The following BMP5 variants were observed in gnomAD, a reference collection of about 807,000 sequenced individuals.
BMP5 encodes bone morphogenetic protein 5.
Under a neutral mutation model 46.6 loss-of-function variants are expected in BMP5, and 23 were observed. The ratio of observed to expected loss-of-function variants is 0.49; its 90% CI spans 0.35 to 0.70. The LOEUF (loss-of-function observed/expected upper bound fraction) is 0.70. Among genes scored for constraint, BMP5 ranks in the 30% least tolerant of loss-of-function variants. BMP5 has a pLI of 0.00. For missense variants in BMP5, 545 were observed against 565.6 expected (o/e 0.96, Z 0.37); for synonymous variants, 204 against 191.9 (o/e 1.06, Z -0.52).
At chr6:55,777,429 G>A (rs1343107821) in intron 3 of BMP5, among the ~76,000 whole-genome samples, 1 of 151,864 alleles carries the variant, frequency 6.6e-6, no homozygotes, top group East Asian at 1.9e-4. Flanking sequence ...GTATCAACAT[G>A]GATTTAATTT....
chr6:55,787,995 CTT>C (rs1292778759), intron 3 of BMP5, among the ~76,000 whole-genome samples: 1 of 151,568 alleles, frequency 6.6e-6, no homozygotes, highest in Admixed American at 6.6e-5. Context: ...GGACCCTACT[CTT>C]TATCAAAGAC....
intron 1 of BMP5, among the ~76,000 whole-genome samples, chr6:55,859,208 T>C (rs1777474331): frequency 6.6e-6 from 1 of 152,176 alleles, no homozygotes; most frequent in Non-Finnish European, 1.5e-5. Context: ...TTAGTTTCAA[T>C]TATCAGTGTT....
intron 3 of BMP5, among the ~76,000 whole-genome samples, chr6:55,780,457 A>AAAAG (rs70986751): frequency 4.4e-5 from 1 of 22,582 alleles, no homozygotes; most frequent in African/African-American, 1.6e-4. Flanking sequence ...CATCACTACT[A>AAAAG]AAAAAAAAAA....
At chr6:55,811,645 CTCTCTG>C (rs896884734) in intron 2 of BMP5, among the ~76,000 whole-genome samples, 2 of 151,900 alleles carry the variant, frequency 1.3e-5, no homozygotes, top group African/African-American at 4.8e-5. Context: ...TGCCCTCTCT[CTCTCTG>C]TCTCTCTCTC....
rs1776910163 is a variant in BMP5, at chr6:55,839,949, G to A, written c.491-20102C>T. Among the ~76,000 whole-genome samples, 3 of 152,046 alleles carry A rather than the reference G, an allele frequency of 2.0e-5. No homozygotes were observed. In the South Asian group the frequency reaches 6.2e-4, roughly 32 times the overall value. Reference sequence around the variant, plus strand: ...AAATCAATATATACTTTAGACACGTGCTTGGTTCTGTATGTATATTGATAA... The same window carrying A: ...AAATCAATATATACTTTAGACACGTACTTGGTTCTGTATGTATATTGATAA... On this transcript the variant is annotated intron_variant, in intron 1 of 6. Transcript: ENST00000370830.
chr6:55,826,494 T>TA (rs1207338062), intron 1 of BMP5, among the ~76,000 whole-genome samples: 1 of 151,616 alleles, frequency 6.6e-6, no homozygotes, highest in Non-Finnish European at 1.5e-5. Flanking sequence ...TAGTTTACTT[T>TA]AAAAATATAA....
intron 3 of BMP5, among the ~76,000 whole-genome samples, chr6:55,782,287 A>T: frequency 6.6e-6 from 1 of 152,160 alleles, no homozygotes. Context: ...AAGTAAATTT[A>T]AAAATGTGGA....
chr6:55,852,797 C>T (rs1777277520), intron 1 of BMP5, among the ~76,000 whole-genome samples: 1 of 151,976 alleles, frequency 6.6e-6, no homozygotes, highest in Non-Finnish European at 1.5e-5. Flanking sequence ...GTTTATTTTG[C>T]CTTAATTTGG....
chr6:55,847,111 C>T (rs973022352), intron 1 of BMP5, among the ~76,000 whole-genome samples: 4 of 151,858 alleles, frequency 2.6e-5, no homozygotes, highest in African/African-American at 9.7e-5. Context: ...CCTATTTTAT[C>T]GATGTAAAAT....
At chr6:55,793,594 GT>G (rs1453430808) in intron 3 of BMP5, among the ~76,000 whole-genome samples, 1 of 152,130 alleles carries the variant, frequency 6.6e-6, no homozygotes, top group Non-Finnish European at 1.5e-5. Flanking sequence ...CATATAGTAG[GT>G]GCCCAGTAAA....
At chr6:55,863,519 G>A (rs962250965) in intron 1 of BMP5, among the ~76,000 whole-genome samples, 3 of 151,990 alleles carry the variant, frequency 2.0e-5, no homozygotes, top group Non-Finnish European at 1.5e-5. Context: ...TTGAAATAAC[G>A]CATAAAAATC....
At chr6:55,849,067 A>G (rs1777160570) in intron 1 of BMP5, among the ~76,000 whole-genome samples, 2 of 152,056 alleles carry the variant, frequency 1.3e-5, no homozygotes, top group Non-Finnish European at 2.9e-5. Flanking sequence ...TTTGAAGATA[A>G]CAATTAGCCT....
chr6:55,755,964 T>G (rs1774583586), intron 6 of BMP5, among the ~76,000 whole-genome samples: 1 of 151,960 alleles, frequency 6.6e-6, no homozygotes, highest in African/African-American at 2.4e-5. Flanking sequence ...GAAGTTTTCC[T>G]AGGGAAAGAA....
chr6:55,836,834 T>C (rs1776806922), intron 1 of BMP5, among the ~76,000 whole-genome samples: 1 of 152,110 alleles, frequency 6.6e-6, no homozygotes, highest in South Asian at 2.1e-4. Context: ...CTTGAATCTA[T>C]CTCAAATGTT....
chr6:55,786,417 T>C (rs955797049), intron 3 of BMP5, among the ~76,000 whole-genome samples: 1 of 151,748 alleles, frequency 6.6e-6, no homozygotes, highest in African/African-American at 2.4e-5. Context: ...TCAAGTCACA[T>C]AGAGCTTATT....
chr6:55,814,906 G>C (rs1004378843), intron 2 of BMP5, among the ~76,000 whole-genome samples: 36 of 152,264 alleles, frequency 2.4e-4, no homozygotes, highest in Non-Finnish European at 2.6e-4. Flanking sequence ...GAGGCGGGTG[G>C]ATCACCTGAG....
chr6:55,855,966 A>C (rs1777385585), intron 1 of BMP5, among the ~76,000 whole-genome samples: 1 of 152,182 alleles, frequency 6.6e-6, no homozygotes, highest in Non-Finnish European at 1.5e-5. Flanking sequence ...GCTTTTGACA[A>C]ATGCAGAATC....
chr6:55,833,341 A>G (rs1326950776), intron 1 of BMP5, among the ~76,000 whole-genome samples: 2 of 152,216 alleles, frequency 1.3e-5, no homozygotes, highest in Non-Finnish European at 2.9e-5. Context: ...ATGTGTGTTC[A>G]CAGCCTCAAA....
intron 2 of BMP5, among the ~76,000 whole-genome samples, chr6:55,807,808 A>T (rs559779535): frequency 2.5e-4 from 38 of 152,142 alleles, no homozygotes; most frequent in Admixed American, 6.5e-4. Flanking sequence ...GTGTCTAGGA[A>T]TTTATCCATT....
Sources: gnomAD v4.1 joint callset for allele counts (sites outside exome capture counted in the v4.1 genomes callset) on GRCh38, gnomAD v4.1.1 for gene constraint, MANE v1.5 for transcripts, NCBI Gene and HGNC (gene_info 2026-07-23, HGNC 2026-07-21) for gene names.